Variants in AXL observed in about 807,000 individuals in gnomAD.
The protein encoded by AXL is tyrosine-protein kinase receptor UFO.
Under a neutral mutation model 104.5 loss-of-function variants are expected in AXL, and 52 were observed. The observed-to-expected ratio is 0.50, with a 90% CI of 0.40 to 0.63. The LOEUF (loss-of-function observed/expected upper bound fraction) is 0.63. Ranked by LOEUF, AXL falls within the 20% of genes least tolerant of loss-of-function variation. AXL has a pLI of 0.00. For missense variants in AXL, 1,024 were observed against 1,188.5 expected, an observed-to-expected ratio of 0.86 and a Z score of 2.04; for synonymous variants, 455 against 473.7, an observed-to-expected ratio of 0.96 and a Z score of 0.51.
chr19:41,256,567 A>G lies in AXL; in HGVS notation c.2152A>G (p.Ile718Val), dbSNP rs1032775679. ...CAAGATGCCAGTCAAGTGGATTGCC[A>G]TTGAGAGTCTAGCTGACCGTGTCTA... ...IAKMPVKWIA[I>V]ESLADRVYTS... is the part of the protein sequence containing the mutation. Residue 718 changes from isoleucine (I) to valine (V), a missense_variant, in exon 18 of 20, where the codon ATT becomes GTT. Ile to Val is a conservative substitution (Grantham distance 29). Around this residue, in one of 5 missense-constraint regions of AXL, gnomAD observed 523 missense variants for 636.0 expected, o/e 0.82. Transcript: ENST00000301178. 6 of 1,614,070 alleles carry G rather than the reference A, an allele frequency of 3.7e-6. No homozygotes were observed. The highest frequency in any genetic ancestry group is 1.7e-5 in the Admixed American group (1 of 60,000).
At chr19:41,249,455 A>T (rs2034325460) in intron 14 of AXL, among the ~76,000 whole-genome samples, 1 of 151,794 alleles carries the variant, frequency 6.6e-6, no homozygotes, top group African/African-American at 2.4e-5. Flanking sequence ...ACTTTGTCTT[A>T]AAAAAATAAA....
At chr19:41,257,759 G>A in intron 19 of AXL, 130 bp downstream of exon 19, 1 of 1,216,200 alleles carries the variant, frequency 8.2e-7, no homozygotes, top group South Asian at 1.4e-5. Flanking sequence ...TGACCCACTT[G>A]CCCCTCACCA....
intron 9 of AXL, 145 bp downstream of exon 9, chr19:41,239,459 CA>C: frequency 8.0e-7 from 1 of 1,253,160 alleles, no homozygotes; most frequent in Non-Finnish European, 1.1e-6. Context: ...CTCCCTTACC[CA>C]TGCCAACCCC....
intron 12 of AXL, among the ~76,000 whole-genome samples, chr19:41,244,917 G>T (rs2034246146): frequency 6.6e-6 from 1 of 150,718 alleles, no homozygotes; most frequent in African/African-American, 2.5e-5. Flanking sequence ...AGGTACTTTT[G>T]CTCTGAAGTC....
intron 17 of AXL, 34 bp downstream of exon 17, chr19:41,253,742 T>A (rs2034408200): frequency 6.8e-7 from 1 of 1,466,002 alleles, no homozygotes; most frequent in Admixed American, 1.8e-5. Context: ...CCCCCCCAAC[T>A]GCTCCTGCAC....
chr19:41,245,002 C>A (rs1244836231), intron 12 of AXL, among the ~76,000 whole-genome samples: 2 of 151,172 alleles, frequency 1.3e-5, no homozygotes, highest in African/African-American at 4.9e-5. Flanking sequence ...TTGATCTTGG[C>A]TCACTGCAAC....
chr19:41,249,431 G>A (rs1196862282), intron 14 of AXL, among the ~76,000 whole-genome samples: 2 of 151,986 alleles, frequency 1.3e-5, no homozygotes, highest in Non-Finnish European at 1.5e-5. Context: ...CTCCAATCTG[G>A]GTGACAGAGT....
chr19:41,256,080 G>GGGGTGTGTGTGT (rs71334980), intron 17 of AXL, among the ~76,000 whole-genome samples: 3 of 150,508 alleles, frequency 2.0e-5, no homozygotes, highest in African/African-American at 7.3e-5. Context: ...TGGTTACATG[G>GGGGTGTGTGTGT]GTGTGTGTGT....
At chr19:41,236,793 A>G (rs917574825) in intron 6 of AXL, among the ~76,000 whole-genome samples, 1 of 151,912 alleles carries the variant, frequency 6.6e-6, no homozygotes, top group Non-Finnish European at 1.5e-5. Context: ...AAGGAAAAAA[A>G]AAAAAAAAGA....
chr19:41,233,840 C>T (rs1432866545), intron 6 of AXL, among the ~76,000 whole-genome samples: 2 of 151,738 alleles, frequency 1.3e-5, no homozygotes, highest in African/African-American at 2.4e-5. Context: ...TTGCACTCTA[C>T]CCACATCACC....
Position 41,261,373 on chromosome 19 carries a change from G to A in AXL, c.*1469G>A, listed in dbSNP as rs2034540246. ...TGCATTCTGCCTCTCTAGGACCATG[G>A]TTAAGAGTCCAAGAATCCACATTTC... On this transcript the variant is annotated 3_prime_UTR_variant, in exon 20 of 20. Coordinates refer to ENST00000301178, the MANE Select transcript of AXL (RefSeq NM_021913.5). 1 of 152,626 alleles carries A rather than the reference G, an allele frequency of 6.6e-6. No individual in the cohort carries two copies. The highest frequency in any genetic ancestry group is 1.5e-5 in the Non-Finnish European group (1 of 68,036). The allele number at this position is 152,626 out of a possible 1,614,324, so 9.5% of individuals were successfully genotyped here. A position where few individuals can be genotyped will look rare whatever the true frequency, so the allele number is the denominator to read the frequency against.
At position 41,220,749 on chromosome 19, in the gene AXL, G is replaced by A. The variant is rs1342056552; in HGVS notation, c.199G>A (p.Val67Ile). 2 of 1,614,194 alleles carry A rather than the reference G, an allele frequency of 1.2e-6. No individual in the cohort carries two copies. The highest frequency in any genetic ancestry group is 1.7e-6 in the Non-Finnish European group (2 of 1,180,014). The change falls in exon 2 of 20, where the codon GTA becomes ATA. Residue 67 changes from valine to isoleucine, a missense_variant. This residue lies in a region of AXL where 124 missense variants were observed against 115.5 expected (regional missense o/e 1.07). Coordinates refer to ENST00000301178, the MANE Select transcript of AXL (RefSeq NM_021913.5). ...QLQVQGEPPEVHWLRDGQILE... is the reference protein window; with the variant it reads ...QLQVQGEPPEIHWLRDGQILE... The stretch of plus-strand genomic sequence containing the variant: ...CCAGGTTCAGGGAGAGCCCCCCGAG[G>A]TACATTGGCTTCGGGATGGACAGAT...
Position 41,259,596 on chromosome 19 carries a change from C to A in AXL, c.2377C>A (p.Arg793=), listed in dbSNP as rs1006009457. 1 of 1,613,106 alleles carries A rather than the reference C, an allele frequency of 6.2e-7. No individual in the cohort carries two copies. The highest frequency in any genetic ancestry group is 1.7e-5 in the Admixed American group (1 of 59,940). ...GTGCTGGGAGCTAAATCCCCAGGACCGGCCAAGTTTTACAGAGCTGCGGGA... is the reference window on the plus strand; with the variant it reads ...GTGCTGGGAGCTAAATCCCCAGGACAGGCCAAGTTTTACAGAGCTGCGGGA... ...SRCWELNPQD[R]PSFTELREDL... Residue 793 remains arginine (R), a synonymous_variant, in exon 20 of 20, where the codon CGG becomes AGG. Transcript: ENST00000301178.
At position 41,219,284 on chromosome 19, in the gene AXL, G is replaced by T. The variant is rs986102949; in HGVS notation, c.-109G>T. 13 of 1,072,932 alleles carry T rather than the reference G, an allele frequency of 1.2e-5. No individual in the cohort carries two copies. 66.5% of individuals were successfully genotyped at this position (1,072,932 alleles called of 1,614,324 possible). On this transcript the variant is annotated 5_prime_UTR_variant, in exon 1 of 20. Coordinates refer to ENST00000301178, the MANE Select transcript of AXL (RefSeq NM_021913.5). ...CCTCCCCTGCCGCTGTGCCAGGCAG[G>T]CAGTGCCAAATCCGGGGAGCCTGGA...
rs113902984 is a variant in AXL, at chr19:41,229,937, A to G, written c.587-1030A>G. Reference sequence around the variant, plus strand: ...TTAGTGAGGGTGCCTGTGTTTGTGCATGTGAGTGTGTGCATGTTTGTGTGT... The same window carrying G: ...TTAGTGAGGGTGCCTGTGTTTGTGCGTGTGAGTGTGTGCATGTTTGTGTGT... On this transcript the variant is annotated intron_variant, in intron 4 of 19. Coordinates refer to ENST00000301178, the MANE Select transcript of AXL (RefSeq NM_021913.5). 9.5e-3 allele frequency among the ~76,000 whole-genome samples: 1,436 copies of G among 151,838 alleles called. 23 individuals are homozygous for G. Among genetic ancestry groups the G allele is most frequent in the African/African-American group, 0.028 (1,146 of 41,358 alleles).
In AXL at chr19:41,259,912, C is replaced by G. The variant is rs1414827812; in HGVS notation, c.*8C>G. ...CAGGAGGATGGTGCCTGAGACAACC[C>G]TCCACCTGGTACTCCCTCTCAGGAT... is the stretch of plus-strand genomic sequence containing the variant. On this transcript the variant is annotated 3_prime_UTR_variant, in exon 20 of 20. Coordinates refer to ENST00000301178, the MANE Select transcript of AXL (RefSeq NM_021913.5). 6.5e-7 allele frequency: 1 copy of G among 1,546,872 alleles called. No individual in the cohort carries two copies. The highest frequency in any genetic ancestry group is 1.2e-5 in the South Asian group (1 of 80,798).
chr19:41,220,787 G>A lies in AXL; in HGVS notation c.237G>A (p.Ala79=), dbSNP rs372605787. ...WLRDGQILEL[A]DSTQTQVPLG... is the part of the protein sequence containing the mutation. ...GGGATGGACAGATCCTGGAGCTCGC[G>A]GACAGCACCCAGACCCAGGTGCCCC... Residue 79 remains alanine (A), a synonymous_variant, in exon 2 of 20, where the codon GCG becomes GCA. Transcript: ENST00000301178. The A allele has an allele frequency of 8.6e-5, 138 of 1,613,978 alleles. No homozygotes were observed. The highest frequency in any genetic ancestry group is 1.7e-4 in the African/African-American group (13 of 74,894).
Position 41,220,872 on chromosome 19 carries a change from TC to T in AXL, c.308+18del, listed in dbSNP as rs1374062573. ...CAGCCAGCTCAGGTGTGTGGCCACA[TC>T]CCCGAATCCCACTCCCACCTCCGTC... On this transcript the variant is annotated intron_variant, in intron 2 of 19. Coordinates refer to ENST00000301178, the MANE Select transcript of AXL (RefSeq NM_021913.5). 6.2e-7 allele frequency: 1 copy of T among 1,610,364 alleles called. No homozygotes were observed. Among genetic ancestry groups the T allele is most frequent in the Admixed American group, 1.7e-5 (1 of 59,798 alleles).
At chr19:41,246,540 T>TA (rs528632596) in intron 12 of AXL, among the ~76,000 whole-genome samples, 45 of 141,384 alleles carry the variant, frequency 3.2e-4, no homozygotes, top group Middle Eastern at 3.6e-3. Flanking sequence ...CATCTCTATT[T>TA]AAAAAAAAAA....
Sources: allele counts gnomAD v4.1 joint callset (sites outside exome capture counted in the v4.1 genomes callset), GRCh38; gene constraint gnomAD v4.1.1; regional missense constraint gnomAD v4.1.1; transcripts MANE v1.5; gene names NCBI Gene and HGNC (gene_info 2026-07-23, HGNC 2026-07-21).